PPARGC1B: variants seen among roughly 807,000 people sequenced by gnomAD.
The protein encoded by PPARGC1B is peroxisome proliferator-activated receptor gamma coactivator 1-beta.
PPARGC1B carries 34 observed loss-of-function variants against 101.6 expected under a neutral mutation model. The ratio of observed to expected loss-of-function variants is 0.33; its 90% CI spans 0.25 to 0.45. The LOEUF is 0.45. Among genes scored for constraint, PPARGC1B ranks in the 20% least tolerant of loss-of-function variants. PPARGC1B has a pLI of 1.00. For synonymous variants in PPARGC1B, 548 were observed against 539.3 expected, an observed-to-expected ratio of 1.02 and a Z score of -0.22; for missense variants, 1,234 against 1,317.6, an observed-to-expected ratio of 0.94 and a Z score of 0.98.
At chr5:149,855,299 T>C (rs1327993667), downstream of PPARGC1B, among the ~76,000 whole-genome samples, 1 of 152,128 alleles carries the variant, frequency 6.6e-6, no homozygotes, top group African/African-American at 2.4e-5. Flanking sequence ...CCCCCATCTC[T>C]GAAAAAGTAA....
rs1365229985 is a variant in PPARGC1B, at chr5:149,800,335, CAT to C, written c.79-20097_79-20096del. 5.3e-5 allele frequency among the ~76,000 whole-genome samples: 8 copies of C among 152,176 alleles called. No homozygotes were observed. The East Asian group carries it at 1.5e-3, about 29-fold the overall frequency. On this transcript the variant is annotated intron_variant, in intron 1 of 11. Transcript: ENST00000309241. ...TGGCTTTTGACCAGTGGTGCGAAAA[CAT>C]TGGTGGTCATTGCAGGTCGCTAGAA...
chr5:149,830,568 C>T (rs184915378), intron 3 of PPARGC1B, among the ~76,000 whole-genome samples, 199 bp from the exon 4 acceptor site: 3 of 152,290 alleles, frequency 2.0e-5, no homozygotes, highest in African/African-American at 7.2e-5. Flanking sequence ...AGCATACTTA[C>T]GTGTGTTCGG....
chr5:149,731,770 C>G (rs559632973), intron 1 of PPARGC1B, among the ~76,000 whole-genome samples: 1 of 152,190 alleles, frequency 6.6e-6, no homozygotes, highest in Non-Finnish European at 1.5e-5. Context: ...TTGGAAGGGA[C>G]GCCGCAGCCG....
At chr5:149,756,418 C>CTAGA (rs1554132431) in intron 1 of PPARGC1B, among the ~76,000 whole-genome samples, 1 of 152,122 alleles carries the variant, frequency 6.6e-6, no homozygotes, top group Admixed American at 6.5e-5. Flanking sequence ...CGGCACTGCA[C>CTAGA]TCTAGCCTGG....
intron 1 of PPARGC1B, among the ~76,000 whole-genome samples, chr5:149,746,458 T>G (rs919089680): frequency 1.3e-5 from 2 of 152,242 alleles, no homozygotes; most frequent in East Asian, 3.8e-4. Context: ...GGTAGAATAA[T>G]ATTTCACTGA....
chr5:149,795,455 CGTCTA>C (rs1757174649), intron 1 of PPARGC1B, among the ~76,000 whole-genome samples: 1 of 152,140 alleles, frequency 6.6e-6, no homozygotes, highest in South Asian at 2.1e-4. Flanking sequence ...AAATCCCAGA[CGTCTA>C]GTCTCAAGCT....
intron 1 of PPARGC1B, among the ~76,000 whole-genome samples, chr5:149,769,548 T>A (rs749958436): frequency 4.6e-5 from 7 of 152,164 alleles, no homozygotes; most frequent in Non-Finnish European, 8.8e-5. Flanking sequence ...GGCCATGCCC[T>A]CGTCCTCTCT....
intron 1 of PPARGC1B, chr5:149,732,829 C>A: frequency 2.1e-6 from 1 of 479,222 alleles, no homozygotes; most frequent in Non-Finnish European, 4.3e-6. Context: ...CCACCCAGGG[C>A]TCCTGACTCC....
At chr5:149,820,398 GCTCTGATCCA>G in intron 1 of PPARGC1B, 25 bp from the exon 2 acceptor site, 1 of 1,603,524 alleles carries the variant, frequency 6.2e-7, no homozygotes, top group Non-Finnish European at 8.5e-7. Flanking sequence ...GCCAGCCTCA[GCTCTGATCCA>G]CCTCTTTCCT....
chr5:149,748,669 G>C (rs767646243), intron 1 of PPARGC1B, among the ~76,000 whole-genome samples: 5 of 152,210 alleles, frequency 3.3e-5, no homozygotes, highest in Non-Finnish European at 7.3e-5. Flanking sequence ...GGGCCTCCTA[G>C]CCAGGGACCA....
rs1758551698 is a variant in PPARGC1B at position 149,826,928 on chromosome 5, A to T, written c.465+43A>T. The stretch of plus-strand genomic sequence containing the variant: ...GCAGAAGTGATGGTTGCAGCCTGGG[A>T]TTAGGTTTCTGGTTCAGGGCATGGG... On this transcript the variant is annotated intron_variant, in intron 3 of 11. Transcript: ENST00000309241. The T allele has an allele frequency of 4.0e-6, 6 of 1,481,914 alleles. No individual in the cohort carries two copies. In the South Asian group the frequency reaches 7.3e-5, roughly 18 times the overall value. The allele number at this position is 1,481,914 out of a possible 1,614,324, so 91.8% of individuals were successfully genotyped here. A position where few individuals can be genotyped will look rare whatever the true frequency, so the allele number is the denominator to read the frequency against.
intron 2 of PPARGC1B, among the ~76,000 whole-genome samples, chr5:149,821,417 A>G (rs1230611046): frequency 1.3e-5 from 2 of 152,188 alleles, no homozygotes; most frequent in Non-Finnish European, 2.9e-5. Context: ...CAAGCTCTGC[A>G]TGGATTTGCA....
intron 1 of PPARGC1B, among the ~76,000 whole-genome samples, chr5:149,791,255 A>G (rs1192090594): frequency 6.6e-6 from 1 of 150,848 alleles, no homozygotes; most frequent in Non-Finnish European, 1.5e-5. Context: ...TCCCACTACT[A>G]CATTCCAGCC....
Position 149,836,255 on chromosome 5 carries a change from T to G in PPARGC1B, c.1808-8T>G. 1 of 1,540,236 alleles carries G rather than the reference T, an allele frequency of 6.5e-7. No individual in the cohort carries two copies. The highest frequency in any genetic ancestry group is 1.3e-5 in the South Asian group (1 of 79,736). ...CTTTATCTTACCTTTCTCCTCTTCC[T>G]CGGGCAGGACTCACCCCACCCACCA... On this transcript the variant is annotated splice_region_variant and splice_polypyrimidine_tract_variant and intron_variant, in intron 7 of 11. Transcript: ENST00000309241.
intron 1 of PPARGC1B, among the ~76,000 whole-genome samples, chr5:149,757,870 C>A (rs1035522955): frequency 2.0e-5 from 3 of 152,232 alleles, no homozygotes; most frequent in African/African-American, 7.2e-5. Context: ...CCCACAGACC[C>A]ACATGGAGGC....
In PPARGC1B at chr5:149,847,763, A is replaced by G; in HGVS notation, c.*205A>G. The G allele has an allele frequency of 5.3e-6, 3 of 564,358 alleles. No homozygotes were observed. The South Asian group carries it at 6.9e-5, about 13-fold the overall frequency. The allele number at this position is 564,358 out of a possible 1,614,324, so 35.0% of individuals were successfully genotyped here. A position where few individuals can be genotyped will look rare whatever the true frequency, so the allele number is the denominator to read the frequency against. ...AAGCTGCTTCTGTCTGTGAGTTTCC[A>G]TGGTGTTGACGTTCCACTGCCACAT... On this transcript the variant is annotated 3_prime_UTR_variant, in exon 12 of 12. Coordinates refer to ENST00000309241, the MANE Select transcript of PPARGC1B (RefSeq NM_133263.4).
At chr5:149,777,645 C>G (rs777054086) in intron 1 of PPARGC1B, among the ~76,000 whole-genome samples, 2 of 152,140 alleles carry the variant, frequency 1.3e-5, no homozygotes, top group Non-Finnish European at 2.9e-5. Context: ...AGGAAACTGC[C>G]GGGCAGCCGG....
At chr5:149,733,788 G>A (rs1754589378) in intron 1 of PPARGC1B, among the ~76,000 whole-genome samples, 1 of 152,222 alleles carries the variant, frequency 6.6e-6, no homozygotes, top group African/African-American at 2.4e-5. Flanking sequence ...TGGGCTATTT[G>A]AAGTTGCTTA....
In PPARGC1B at chr5:149,847,394, A is replaced by G. The variant is rs1200482446; in HGVS notation, c.2972-64A>G. ...ACTCATAGTGGCAGATTCTTCAACC[A>G]TCCGGTCTTTGTAAGTTGCTCACTG... is the stretch of plus-strand genomic sequence containing the variant. On this transcript the variant is annotated intron_variant, in intron 11 of 11. Coordinates refer to ENST00000309241, the MANE Select transcript of PPARGC1B (RefSeq NM_133263.4). 3 of 1,226,448 alleles carry G rather than the reference A, an allele frequency of 2.4e-6. No individual in the cohort carries two copies. The African/African-American group carries it at 4.5e-5, about 18-fold the overall frequency. 76.0% of individuals were successfully genotyped at this position (1,226,448 alleles called of 1,614,324 possible).
Sources: gnomAD v4.1 joint callset for allele counts (sites outside exome capture counted in the v4.1 genomes callset) on GRCh38, gnomAD v4.1.1 for gene constraint, MANE v1.5 for transcripts, NCBI Gene and HGNC (gene_info 2026-07-23, HGNC 2026-07-21) for gene names.